The following IGSF11 variants were observed in gnomAD, a reference collection of about 807,000 sequenced individuals.
The protein encoded by IGSF11 is immunoglobulin superfamily member 11, also known as CXADR like 1.
In IGSF11, 22 loss-of-function variants were observed where a neutral mutation model predicts 41.0. The ratio of observed to expected loss-of-function variants is 0.54; its 90% CI spans 0.38 to 0.77. The LOEUF is 0.77. Ranked by LOEUF, IGSF11 falls within the 30% of genes least tolerant of loss-of-function variation. IGSF11 has a pLI of 0.00. For synonymous variants in IGSF11, 219 were observed against 201.3 expected (o/e 1.09, Z -0.74); for missense variants, 444 against 530.8 (o/e 0.84, Z 1.61).
At chr3:118,916,506 A>T (rs1941111545) in intron 4 of IGSF11, among the ~76,000 whole-genome samples, 1 of 151,868 alleles carries the variant, frequency 6.6e-6, no homozygotes, top group African/African-American at 2.4e-5. Context: ...AAAAGAGACA[A>T]TGAAGGCCAT....
intron 1 of IGSF11, among the ~76,000 whole-genome samples, chr3:119,065,519 G>A (rs1010990736): frequency 1.3e-5 from 2 of 152,086 alleles, no homozygotes; most frequent in Non-Finnish European, 2.9e-5. Flanking sequence ...CAGGCGGGGG[G>A]CAGTGGCACA....
At chr3:119,102,739 C>T (rs1159780392) in intron 1 of IGSF11, among the ~76,000 whole-genome samples, 2 of 151,940 alleles carry the variant, frequency 1.3e-5, no homozygotes, top group Non-Finnish European at 2.9e-5. Flanking sequence ...TCTTGCTTTT[C>T]TTCATTCCAT....
chr3:118,902,402 G>C lies in IGSF11; in HGVS notation c.*118C>G. On this transcript the variant is annotated 3_prime_UTR_variant, in exon 7 of 7. Coordinates refer to ENST00000393775, the MANE Select transcript of IGSF11 (RefSeq NM_001015887.3). ...GTAACAGCACTGCCTTCTTCTTTGT[G>C]CATTTTACTAATATAATTATAAGGA... is the stretch of plus-strand genomic sequence containing the variant. 1 of 790,392 alleles carries C rather than the reference G, an allele frequency of 1.3e-6. No homozygotes were observed. Among genetic ancestry groups the C allele is most frequent in the Non-Finnish European group, 2.0e-6 (1 of 489,992 alleles). 49.0% of individuals were successfully genotyped at this position (790,392 alleles called of 1,614,324 possible).
At chr3:119,104,178 A>G (rs886157481) in intron 1 of IGSF11, among the ~76,000 whole-genome samples, 12 of 152,198 alleles carry the variant, frequency 7.9e-5, no homozygotes, top group Middle Eastern at 3.2e-3. Flanking sequence ...AGCATGATCT[A>G]AAGTGCAAGT....
intron 1 of IGSF11, among the ~76,000 whole-genome samples, chr3:119,120,788 G>A (rs2077322375): frequency 6.6e-6 from 1 of 152,174 alleles, no homozygotes; most frequent in Admixed American, 6.5e-5. Flanking sequence ...CATATTGAAT[G>A]TACCTGGCTT....
At chr3:119,110,775 G>C (rs2077142224) in intron 1 of IGSF11, among the ~76,000 whole-genome samples, 1 of 151,692 alleles carries the variant, frequency 6.6e-6, no homozygotes, top group Non-Finnish European at 1.5e-5. Flanking sequence ...AGCTCTTTTA[G>C]GGCAGGCCTG....
At chr3:118,972,432 T>C (rs781660898) in intron 1 of IGSF11, among the ~76,000 whole-genome samples, 1 of 152,246 alleles carries the variant, frequency 6.6e-6, no homozygotes, top group African/African-American at 2.4e-5. Context: ...TTATGCTTCA[T>C]GTCTATTGTC....
intron 1 of IGSF11, among the ~76,000 whole-genome samples, chr3:119,019,216 T>G (rs750855462): frequency 6.6e-6 from 1 of 151,896 alleles, no homozygotes; most frequent in Admixed American, 6.6e-5. Flanking sequence ...GGATCCTTGA[T>G]TCTGTGGGAT....
intron 1 of IGSF11, among the ~76,000 whole-genome samples, chr3:118,962,475 G>A (rs1945401786): frequency 6.6e-6 from 1 of 152,088 alleles, no homozygotes; most frequent in Non-Finnish European, 1.5e-5. Context: ...TACTCTGGTT[G>A]TCAAGCACTC....
At chr3:119,112,087 A>C (rs1024915688) in intron 1 of IGSF11, among the ~76,000 whole-genome samples, 8 of 152,098 alleles carry the variant, frequency 5.3e-5, no homozygotes, top group African/African-American at 1.7e-4. Context: ...CTCAGATCTC[A>C]AGCTGCGTAC....
rs143876292 is a variant in IGSF11 at position 119,125,518 on chromosome 3, G to T, written c.-14+20295C>A. On this transcript the variant is annotated intron_variant, in intron 1 of 7. Transcript: ENST00000425327. ...GGAATGTTAAAAAGTACATTCACAA[G>T]GGCGGGACGGTGTATTGTCACAAGG... 5.9e-5 allele frequency among the ~76,000 whole-genome samples: 9 copies of T among 152,248 alleles called. No homozygotes were observed. In the East Asian group the frequency reaches 1.7e-3, roughly 29 times the overall value.
At chr3:119,047,653 G>C (rs1418586961) in intron 1 of IGSF11, among the ~76,000 whole-genome samples, 5 of 152,120 alleles carry the variant, frequency 3.3e-5, no homozygotes, top group Admixed American at 2.6e-4. Flanking sequence ...GGACGTAATA[G>C]ACATCTACAG....
chr3:119,075,848 T>C (rs1279409667), intron 1 of IGSF11, among the ~76,000 whole-genome samples: 3 of 152,182 alleles, frequency 2.0e-5, no homozygotes, highest in South Asian at 2.1e-4. Context: ...AGGTAATTTA[T>C]AGATTCAATG....
chr3:118,902,897 C>T lies in IGSF11; in HGVS notation c.919G>A (p.Asp307Asn), dbSNP rs1323355221. 6.2e-7 allele frequency: 1 copy of T among 1,613,980 alleles called. No individual in the cohort carries two copies. Among genetic ancestry groups the T allele is most frequent in the Non-Finnish European group, 8.5e-7 (1 of 1,179,994 alleles). ...KAFHTEISSS[D>N]NNTLTSSNAY... ...TTGGAAGAGGTTAGTGTGTTGTTGT[C>T]CGAGGAGGAAATCTCAGTGTGAAAT... The change falls in exon 7 of 7, where the codon GAC (aspartate) becomes AAC (asparagine). Residue 307 changes from aspartate (D) to asparagine (N), a missense_variant. This residue lies in a region of IGSF11 where 223 missense variants were observed against 226.2 expected (regional missense o/e 0.99). Transcript: ENST00000393775.
upstream of IGSF11, among the ~76,000 whole-genome samples, chr3:119,107,317 T>C (rs2107513327): frequency 6.6e-6 from 1 of 152,366 alleles, no homozygotes. Flanking sequence ...GTGGTTTTGA[T>C]TTGCATTTCT....
chr3:118,993,904 T>C (rs1936027123), intron 1 of IGSF11, among the ~76,000 whole-genome samples: 1 of 152,234 alleles, frequency 6.6e-6, no homozygotes, highest in Non-Finnish European at 1.5e-5. Flanking sequence ...GTTTTCTTTC[T>C]GGAGAGTGAT....
At chr3:118,907,102 T>C (rs1165984463) in intron 4 of IGSF11, among the ~76,000 whole-genome samples, 1 of 152,252 alleles carries the variant, frequency 6.6e-6, no homozygotes, top group South Asian at 2.1e-4. Context: ...TGACACAAAG[T>C]CCAAGTATGC....
At chr3:118,903,568 G>C in intron 6 of IGSF11, among the ~76,000 whole-genome samples, 1 of 152,110 alleles carries the variant, frequency 6.6e-6, no homozygotes, top group African/African-American at 2.4e-5. Context: ...GCTGATGAGA[G>C]GTTTTCCTCA....
At chr3:119,070,205 C>T (rs975091622) in intron 1 of IGSF11, among the ~76,000 whole-genome samples, 2 of 152,098 alleles carry the variant, frequency 1.3e-5, no homozygotes, top group Non-Finnish European at 2.9e-5. Context: ...AGGCCCTCAG[C>T]AAGAATTTCA....
Sources: gnomAD v4.1 joint callset for allele counts (sites outside exome capture counted in the v4.1 genomes callset) on GRCh38, gnomAD v4.1.1 for gene constraint, gnomAD v4.1.1 regional missense constraint, MANE v1.5 for transcripts, NCBI Gene and HGNC (gene_info 2026-07-23, HGNC 2026-07-21) for gene names.